The following NKAIN3 variants were observed in gnomAD, a reference collection of about 807,000 sequenced individuals.
The protein encoded by NKAIN3 is sodium/potassium transporting ATPase interacting 3.
A neutral mutation model predicts 30.2 loss-of-function variants in NKAIN3; 25 were observed. The observed-to-expected ratio is 0.83, with a 90% CI of 0.60 to 1.16. The LOEUF (loss-of-function observed/expected upper bound fraction) is 1.16, where lower values mean the gene tolerates loss of function less well. Among genes scored for constraint, NKAIN3 ranks in the 50% most tolerant of loss-of-function variants. The pLI, the probability that NKAIN3 is intolerant of heterozygous loss-of-function variation, is 0.00. For missense variants in NKAIN3, 225 were observed against 254.1 expected, an observed-to-expected ratio of 0.89 and a Z score of 0.78; for synonymous variants, 91 against 89.6, an observed-to-expected ratio of 1.02 and a Z score of -0.09.
intron 4 of NKAIN3, among the ~76,000 whole-genome samples, chr8:62,891,509 A>G (rs768373588): frequency 6.6e-6 from 1 of 152,196 alleles, no homozygotes; most frequent in Non-Finnish European, 1.5e-5. Flanking sequence ...ATGTGAGTCA[A>G]TTCTCGTAAT....
At chr8:62,986,387 G>A (rs1824198793), downstream of NKAIN3, among the ~76,000 whole-genome samples, 1 of 152,144 alleles carries the variant, frequency 6.6e-6, no homozygotes, top group Non-Finnish European at 1.5e-5. Flanking sequence ...CTTTTTACAA[G>A]TGGTTGCAGT....
At chr8:62,784,227 A>C (rs1817445398) in intron 4 of NKAIN3, among the ~76,000 whole-genome samples, 1 of 151,960 alleles carries the variant, frequency 6.6e-6, no homozygotes, top group South Asian at 2.1e-4. Context: ...AAGTAACTAG[A>C]AGAAGTGCAA....
chr8:62,505,305 G>C (rs998568383), intron 1 of NKAIN3, among the ~76,000 whole-genome samples: 19 of 152,094 alleles, frequency 1.2e-4, no homozygotes, highest in African/African-American at 4.6e-4. Context: ...TAACAAGACT[G>C]TTCTGGCTCC....
intron 4 of NKAIN3, among the ~76,000 whole-genome samples, chr8:62,811,755 T>C (rs983394182): frequency 6.6e-6 from 1 of 152,054 alleles, no homozygotes; most frequent in Non-Finnish European, 1.5e-5. Context: ...TTGACAGTTC[T>C]TTATATTTTC....
At chr8:62,733,499 T>G (rs899749417) in intron 3 of NKAIN3, among the ~76,000 whole-genome samples, 1 of 152,206 alleles carries the variant, frequency 6.6e-6, no homozygotes, top group Admixed American at 6.5e-5. Flanking sequence ...ATTGTTGCTG[T>G]TGACAACCAC....
At chr8:62,863,424 A>G in intron 4 of NKAIN3, 1 of 1,552,414 alleles carries the variant, frequency 6.4e-7, no homozygotes, top group Non-Finnish European at 8.7e-7. Context: ...CAGTATGAGT[A>G]ATCTTGGTCT....
intron 1 of NKAIN3, among the ~76,000 whole-genome samples, chr8:62,417,999 TATG>T (rs1278072544): frequency 6.6e-6 from 1 of 152,154 alleles, no homozygotes; most frequent in Non-Finnish European, 1.5e-5. Flanking sequence ...CTATTTTGAG[TATG>T]ATATTTTGGT....
chr8:62,768,564 G>C (rs1421668822), intron 4 of NKAIN3, among the ~76,000 whole-genome samples: 3 of 152,098 alleles, frequency 2.0e-5, no homozygotes, highest in Non-Finnish European at 2.9e-5. Context: ...TCCTTGCTCT[G>C]AGTTCTATCA....
At chr8:62,755,553 G>C (rs1263814085) in intron 4 of NKAIN3, among the ~76,000 whole-genome samples, 2 of 149,120 alleles carry the variant, frequency 1.3e-5, no homozygotes, top group South Asian at 4.2e-4. Context: ...TTTCTCTTTT[G>C]CTTGCTAGCG....
chr8:62,280,100 G>T (rs1000467682), intron 1 of NKAIN3, among the ~76,000 whole-genome samples: 1 of 152,054 alleles, frequency 6.6e-6, no homozygotes, highest in South Asian at 2.1e-4. Flanking sequence ...GTCCCTTGTA[G>T]GTTGGATTCC....
intron 4 of NKAIN3, chr8:62,863,308 C>A: frequency 6.5e-7 from 1 of 1,549,788 alleles, no homozygotes; most frequent in Non-Finnish European, 8.8e-7. Context: ...CACTGCAGAC[C>A]CTGAAGGAGG....
chr8:62,547,102 G>A (rs1485825485), intron 1 of NKAIN3, among the ~76,000 whole-genome samples: 1 of 152,170 alleles, frequency 6.6e-6, no homozygotes, highest in Non-Finnish European at 1.5e-5. Flanking sequence ...AGTTGTTAAT[G>A]AGTTACAACT....
chr8:62,663,234 C>T (rs1305059720), intron 3 of NKAIN3, among the ~76,000 whole-genome samples: 1 of 152,118 alleles, frequency 6.6e-6, no homozygotes, highest in African/African-American at 2.4e-5. Flanking sequence ...TTTCTTTAAA[C>T]AGTGGTTCTT....
At chr8:62,660,132 G>A (rs537684234) in intron 3 of NKAIN3, among the ~76,000 whole-genome samples, 1 of 152,260 alleles carries the variant, frequency 6.6e-6, no homozygotes, top group Non-Finnish European at 1.5e-5. Flanking sequence ...ACTTGGTTGG[G>A]GAGGCAACAT....
chr8:62,858,036 C>CTTG (rs150047356), intron 4 of NKAIN3, among the ~76,000 whole-genome samples: 130,464 of 151,406 alleles, frequency 0.86, 56,436 homozygotes, highest in African/African-American at 0.93. Context: ...GGGATTTTTT[C>CTTG]TTGTTGTTGT....
At chr8:62,354,547 G>T (rs1308342554) in intron 1 of NKAIN3, among the ~76,000 whole-genome samples, 3 of 152,096 alleles carry the variant, frequency 2.0e-5, no homozygotes, top group Non-Finnish European at 4.4e-5. Flanking sequence ...AGGTTCAAGT[G>T]ATTCTCCTGC....
intron 3 of NKAIN3, among the ~76,000 whole-genome samples, chr8:62,641,827 A>C (rs1336372066): frequency 6.6e-6 from 1 of 152,138 alleles, no homozygotes; most frequent in Non-Finnish European, 1.5e-5. Flanking sequence ...CAAATCTTAT[A>C]TGTTTATTGA....
intron 1 of NKAIN3, among the ~76,000 whole-genome samples, chr8:62,344,220 A>C (rs1399984577): frequency 6.6e-6 from 1 of 152,102 alleles, no homozygotes; most frequent in Non-Finnish European, 1.5e-5. Flanking sequence ...AGTTTAAAAG[A>C]ACATTAAATG....
chr8:62,299,776 CAA>C (rs1813979773), intron 1 of NKAIN3, among the ~76,000 whole-genome samples: 1 of 151,964 alleles, frequency 6.6e-6, no homozygotes, highest in African/African-American at 2.4e-5. Context: ...TGCTTAGAAA[CAA>C]GAGACAGTTT....
Sources: allele counts gnomAD v4.1 joint callset (sites outside exome capture counted in the v4.1 genomes callset), GRCh38; gene constraint gnomAD v4.1.1; transcripts MANE v1.5; gene names NCBI Gene and HGNC (gene_info 2026-07-23, HGNC 2026-07-21).